Variants in AFF2 observed in about 807,000 individuals in gnomAD.
The protein encoded by AFF2 is AF4/FMR2 family member 2.
AFF2 carries 14 observed loss-of-function variants against 76.9 expected under a neutral mutation model. The ratio of observed to expected loss-of-function variants is 0.18; its 90% CI spans 0.12 to 0.28. AFF2 has a LOEUF of 0.28. AFF2 is among the 10% of genes least tolerant of loss of function. AFF2 has a pLI of 1.00. For missense variants in AFF2, 868 were observed against 1,001.1 expected, an observed-to-expected ratio of 0.87 and a Z score of 1.79; for synonymous variants, 398 against 366.7, an observed-to-expected ratio of 1.09 and a Z score of -0.98.
At chrX:148,591,057 T>C (rs2053518022) in intron 1 of AFF2, among the ~76,000 whole-genome samples, 1 of 112,323 alleles carries the variant, frequency 8.9e-6, no homozygotes, top group Non-Finnish European at 1.9e-5. Flanking sequence ...AACGATGAAC[T>C]TGTATGTTCA....
intron 4 of AFF2, among the ~76,000 whole-genome samples, chrX:148,811,085 A>G (rs1456300630): frequency 8.9e-6 from 1 of 111,761 alleles, no homozygotes; most frequent in Non-Finnish European, 1.9e-5. Context: ...TAAAGAGATG[A>G]GCCAGTCATA....
At chrX:148,538,533 G>A (rs890879057) in intron 1 of AFF2, among the ~76,000 whole-genome samples, 13 of 112,595 alleles carry the variant, frequency 1.2e-4, no homozygotes, top group African/African-American at 4.2e-4. Flanking sequence ...AATATCTGGC[G>A]AAGCACTGAC....
At chrX:148,868,934 C>CT (rs1278050257) in intron 7 of AFF2, among the ~76,000 whole-genome samples, 1 of 112,488 alleles carries the variant, frequency 8.9e-6, no homozygotes, top group Non-Finnish European at 1.9e-5. Context: ...TAGTCACCTC[C>CT]TAAAGGGTCC....
chrX:148,777,655 C>T (rs990131766), intron 3 of AFF2, among the ~76,000 whole-genome samples: 37 of 111,770 alleles, frequency 3.3e-4, no homozygotes, highest in Admixed American at 1.5e-3. Context: ...CTCTGTTTGT[C>T]GATTATTGAT....
intron 3 of AFF2, among the ~76,000 whole-genome samples, chrX:148,756,458 G>A (rs1557266904): frequency 1.8e-5 from 2 of 112,412 alleles, no homozygotes; most frequent in African/African-American, 3.2e-5. Flanking sequence ...ATTTTGGAAT[G>A]TGAACATTTC....
intron 9 of AFF2, among the ~76,000 whole-genome samples, chrX:148,922,944 G>A (rs1159496057): frequency 8.9e-6 from 1 of 112,115 alleles, no homozygotes; most frequent in Non-Finnish European, 1.9e-5. Context: ...TTGCCAAGAT[G>A]TATTCTCTTA....
intron 1 of AFF2, among the ~76,000 whole-genome samples, chrX:148,627,727 T>C (rs1357077125): frequency 4.5e-5 from 5 of 111,790 alleles, no homozygotes; most frequent in African/African-American, 6.5e-5. Context: ...CCATATGTCA[T>C]GTCTGTGTGA....
intron 3 of AFF2, among the ~76,000 whole-genome samples, chrX:148,685,205 A>C (rs1194899574): frequency 2.7e-5 from 3 of 112,156 alleles, no homozygotes; most frequent in African/African-American, 9.7e-5. Context: ...GTTGCTGCTT[A>C]GCTCAGATCT....
intron 3 of AFF2, among the ~76,000 whole-genome samples, chrX:148,747,448 A>G (rs1388636915): frequency 3.6e-5 from 4 of 112,054 alleles, no homozygotes; most frequent in African/African-American, 1.3e-4. Flanking sequence ...TTGTAGCTAA[A>G]AGAGTAAATG....
At chrX:148,749,528 A>G (rs1181182288) in intron 3 of AFF2, among the ~76,000 whole-genome samples, 5 of 111,627 alleles carry the variant, frequency 4.5e-5, no homozygotes, top group Non-Finnish European at 1.9e-5. Context: ...AATAATACCT[A>G]CATCTGCTAT....
intron 9 of AFF2, among the ~76,000 whole-genome samples, chrX:148,945,289 G>C (rs1226437968): frequency 5.4e-5 from 6 of 111,815 alleles, no homozygotes; most frequent in Non-Finnish European, 3.8e-5. Context: ...AAATTGTTCA[G>C]GAACAATTGC....
At chrX:148,591,049 C>G (rs989814879) in intron 1 of AFF2, among the ~76,000 whole-genome samples, 2 of 112,036 alleles carry the variant, frequency 1.8e-5, no homozygotes, top group Non-Finnish European at 3.8e-5. Flanking sequence ...ATTATATAAA[C>G]GATGAACTTG....
chrX:148,745,046 T>A (rs1242927379), intron 3 of AFF2, among the ~76,000 whole-genome samples: 1 of 111,497 alleles, frequency 9.0e-6, no homozygotes, highest in Non-Finnish European at 1.9e-5. Context: ...GAATAGTGAG[T>A]CTTGTGCCTG....
At chrX:148,535,179 C>A (rs1301238612) in intron 1 of AFF2, among the ~76,000 whole-genome samples, 1 of 111,774 alleles carries the variant, frequency 8.9e-6, no homozygotes, top group Non-Finnish European at 1.9e-5. Context: ...AATATGAGAG[C>A]TGCTACCACC....
At chrX:148,931,042 C>T (rs1557284341) in intron 9 of AFF2, among the ~76,000 whole-genome samples, 1 of 110,477 alleles carries the variant, frequency 9.1e-6, no homozygotes, top group African/African-American at 3.3e-5. Flanking sequence ...CACGTGAGGT[C>T]AGGAGATCGA....
intron 1 of AFF2, among the ~76,000 whole-genome samples, chrX:148,595,616 CATG>C (rs782273088): frequency 2.0e-4 from 22 of 112,407 alleles, no homozygotes; most frequent in African/African-American, 6.5e-4. Context: ...AAAAGCCAGT[CATG>C]ATGATTGACT....
At chrX:148,565,350 T>A (rs1418543559) in intron 1 of AFF2, among the ~76,000 whole-genome samples, 2 of 111,512 alleles carry the variant, frequency 1.8e-5, no homozygotes, top group Admixed American at 1.9e-4. Flanking sequence ...TTACTCAATA[T>A]TCCCCCAAAA....
intron 1 of AFF2, among the ~76,000 whole-genome samples, chrX:148,643,892 T>C (rs1017545486): frequency 1.8e-5 from 2 of 111,601 alleles, no homozygotes; most frequent in South Asian, 7.5e-4. Flanking sequence ...TTAATTTCAC[T>C]GGAGAGGTTG....
chrX:148,576,202 AAT>A (rs1245407997), intron 1 of AFF2, among the ~76,000 whole-genome samples: 1 of 111,934 alleles, frequency 8.9e-6, no homozygotes, highest in Non-Finnish European at 1.9e-5. Context: ...AGTTTGTCTT[AAT>A]AACTGGATTA....
Sources: allele counts gnomAD v4.1 joint callset (sites outside exome capture counted in the v4.1 genomes callset), GRCh38; gene constraint gnomAD v4.1.1; transcripts MANE v1.5; gene names NCBI Gene and HGNC (gene_info 2026-07-23, HGNC 2026-07-21).